The following SGK1 variants were observed in gnomAD, a reference collection of about 807,000 sequenced individuals.
SGK1 encodes serine/threonine-protein kinase Sgk1.
Under a neutral mutation model 64.2 loss-of-function variants are expected in SGK1, and 26 were observed. The observed-to-expected ratio is 0.40, with a 90% confidence interval of 0.30 to 0.56. The LOEUF (loss-of-function observed/expected upper bound fraction) is 0.56. Ranked by LOEUF, SGK1 falls within the 20% of genes least tolerant of loss-of-function variation. The pLI, the probability that SGK1 is intolerant of heterozygous loss-of-function variation, is 0.38. For missense variants in SGK1, 519 were observed against 645.6 expected, an observed-to-expected ratio of 0.80 and a Z score of 2.12; for synonymous variants, 265 against 239.7, an observed-to-expected ratio of 1.11 and a Z score of -0.98.
intron 2 of SGK1, among the ~76,000 whole-genome samples, chr6:134,248,387 A>G (rs984743923): frequency 6.7e-6 from 1 of 149,930 alleles, no homozygotes; most frequent in African/African-American, 2.4e-5. Context: ...TCATCTTCCC[A>G]TACAGAGACA....
chr6:134,316,162 G>A (rs1421373213), intron 1 of SGK1, among the ~76,000 whole-genome samples: 1 of 152,210 alleles, frequency 6.6e-6, no homozygotes, highest in African/African-American at 2.4e-5. Flanking sequence ...AGTCAAGGGT[G>A]CTTGGGAGCC....
intron 1 of SGK1, among the ~76,000 whole-genome samples, chr6:134,309,996 C>T (rs970452712): frequency 6.6e-6 from 1 of 152,142 alleles, no homozygotes; most frequent in Non-Finnish European, 1.5e-5. Flanking sequence ...TTCTATTGAT[C>T]CAATTCCCAT....
rs139727119 is a variant in SGK1, at chr6:134,235,541, T to TTTATTTATTTA, written c.285+26391_285+26392insTAAATAAATAA. ...AGGAGGAAGTGGAAAAAATAGATAT[T>TTTATTTATTTA]TTTATTTATTTATTTATTTATTTAT... On this transcript the variant is annotated intron_variant, in intron 2 of 13. Transcript: ENST00000367858. 4.2e-3 allele frequency among the ~76,000 whole-genome samples: 388 copies of TTTATTTATTTA among 92,128 alleles called. 1 individual carries two copies. Among genetic ancestry groups the TTTATTTATTTA allele is most frequent in the Middle Eastern group, 0.015 (3 of 204 alleles). The allele number at this position is 92,128 out of a possible 152,430, so 60.4% of individuals were successfully genotyped here. A position where few individuals can be genotyped will look rare whatever the true frequency, so the allele number is the denominator to read the frequency against.
chr6:134,278,005 C>T lies in SGK1; in HGVS notation c.70-15857G>A, dbSNP rs149505599. 5.8e-4 allele frequency among the ~76,000 whole-genome samples: 88 copies of T among 152,324 alleles called. No individual in the cohort carries two copies. In the East Asian group the frequency reaches 0.015, roughly 26 times the overall value. ...CTTCGTAACTACCTTGAGCAAGACA[C>T]TGAATTCATGTGAACTTGAAGGCGC... On this transcript the variant is annotated intron_variant, in intron 1 of 13. Transcript: ENST00000367858.
intron 2 of SGK1, among the ~76,000 whole-genome samples, chr6:134,256,203 G>C (rs1412879982): frequency 6.6e-6 from 1 of 150,786 alleles, no homozygotes; most frequent in African/African-American, 2.4e-5. Flanking sequence ...TACAAACATA[G>C]TTTACAATGT....
At chr6:134,220,083 A>AAG (rs1776064841) in intron 2 of SGK1, among the ~76,000 whole-genome samples, 1 of 131,654 alleles carries the variant, frequency 7.6e-6, no homozygotes, top group Non-Finnish European at 1.6e-5. Context: ...AAAAAAAAAA[A>AAG]AAAAGAAAAG....
chr6:134,198,648 C>T (rs973820511), intron 3 of SGK1, among the ~76,000 whole-genome samples: 5 of 149,694 alleles, frequency 3.3e-5, no homozygotes, highest in African/African-American at 9.8e-5. Context: ...ACATTTGGTA[C>T]ATAAACTATT....
rs142881263 is a variant in SGK1, at chr6:134,178,660, C to T, written c.362-4074G>A. ...TTGTAAATGCAACCTAGAGGGCGAT[C>T]GAGTTCTCTGGGAGAACTTGCTCCA... On this transcript the variant is annotated intron_variant, in intron 3 of 13. Coordinates refer to ENST00000367858, the MANE Select transcript of SGK1 (RefSeq NM_001143676.3). 7.2e-4 allele frequency among the ~76,000 whole-genome samples: 109 copies of T among 152,326 alleles called. 1 individual carries two copies. The East Asian group carries it at 0.02, about 28-fold the overall frequency.
intron 2 of SGK1, among the ~76,000 whole-genome samples, chr6:134,240,910 C>T (rs1306896486): frequency 6.6e-6 from 1 of 152,128 alleles, no homozygotes; most frequent in Non-Finnish European, 1.5e-5. Flanking sequence ...GCCCGCCGAA[C>T]TCTTGGCTCT....
chr6:134,175,081 G>A (rs1775186263), intron 3 of SGK1, among the ~76,000 whole-genome samples: 1 of 152,114 alleles, frequency 6.6e-6, no homozygotes, highest in Admixed American at 6.5e-5. Flanking sequence ...GGGACGGCCT[G>A]GCGCAGGGCC....
At chr6:134,219,773 A>G (rs1213884051) in intron 2 of SGK1, among the ~76,000 whole-genome samples, 2 of 147,276 alleles carry the variant, frequency 1.4e-5, no homozygotes, top group African/African-American at 2.5e-5. Flanking sequence ...AAAAAAAAAA[A>G]AAGAGGCCGG....
chr6:134,286,186 A>C (rs550538159), intron 1 of SGK1, among the ~76,000 whole-genome samples: 1 of 152,332 alleles, frequency 6.6e-6, no homozygotes, highest in Non-Finnish European at 1.5e-5. Context: ...ATTTGTTTAG[A>C]AGTTATATTA....
chr6:134,225,008 C>CAAAAA (rs779785039), intron 2 of SGK1, among the ~76,000 whole-genome samples: 31 of 39,680 alleles, frequency 7.8e-4, no homozygotes, highest in African/African-American at 9.9e-4. Context: ...GACTCCATCT[C>CAAAAA]AAAAAAAAAA....
At chr6:134,179,121 TAGAGA>T (rs1453719282) in intron 3 of SGK1, among the ~76,000 whole-genome samples, 1 of 152,126 alleles carries the variant, frequency 6.6e-6, no homozygotes, top group Admixed American at 6.5e-5. Flanking sequence ...CTCAACATAT[TAGAGA>T]AAATATTTTG....
intron 2 of SGK1, among the ~76,000 whole-genome samples, chr6:134,216,084 T>C (rs558770480): frequency 2.7e-4 from 35 of 128,840 alleles, no homozygotes; most frequent in Non-Finnish European, 5.5e-4. Flanking sequence ...TTTTTAAAAC[T>C]TTTTTTCTTT....
intron 3 of SGK1, among the ~76,000 whole-genome samples, chr6:134,204,498 T>C (rs1161420636): frequency 6.7e-6 from 1 of 148,714 alleles, no homozygotes; most frequent in Non-Finnish European, 1.5e-5. Flanking sequence ...AAAGAGTAAG[T>C]CTGAAATATT....
At chr6:134,264,475 G>A (rs544894250) in intron 1 of SGK1, among the ~76,000 whole-genome samples, 12 of 152,118 alleles carry the variant, frequency 7.9e-5, no homozygotes, top group African/African-American at 2.9e-4. Flanking sequence ...ATGGTCACTG[G>A]TGCTTGAAAT....
At chr6:134,211,824 A>G (rs1775893370) in intron 2 of SGK1, among the ~76,000 whole-genome samples, 1 of 144,940 alleles carries the variant, frequency 6.9e-6, no homozygotes, top group Admixed American at 7.1e-5. Context: ...CAGTGAGCCG[A>G]GATGGCTCCA....
At position 134,225,008 on chromosome 6, in the gene SGK1, C is replaced by CAAA. The variant is rs779785039; in HGVS notation, c.286-17580_286-17578dup. Among the ~76,000 whole-genome samples, 60 of 39,680 alleles carry CAAA rather than the reference C, an allele frequency of 1.5e-3. 2 individuals carry two copies. Among genetic ancestry groups the CAAA allele is most frequent in the Admixed American group, 4.2e-3 (13 of 3,130 alleles). 26.0% of individuals were successfully genotyped at this position (39,680 alleles called of 152,430 possible). A position where few individuals can be genotyped will look rare whatever the true frequency, so the allele number is the denominator to read the frequency against. On this transcript the variant is annotated intron_variant, in intron 2 of 13. Transcript: ENST00000367858. ...GCATTCCAGCCTGGAGACTCCATCT[C>CAAA]AAAAAAAAAAAAAAAGAAAAAAGAA...
Sources: allele counts gnomAD v4.1 joint callset (sites outside exome capture counted in the v4.1 genomes callset), GRCh38; gene constraint gnomAD v4.1.1; transcripts MANE v1.5; gene names NCBI Gene and HGNC (gene_info 2026-07-23, HGNC 2026-07-21).